The following MMP16 variants were observed in gnomAD, a reference collection of about 807,000 sequenced individuals.
MMP16 encodes the protein matrix metallopeptidase 16.
A neutral mutation model predicts 67.8 loss-of-function variants in MMP16; 12 were observed. The ratio of observed to expected loss-of-function variants is 0.18; its 90% confidence interval spans 0.11 to 0.29. The LOEUF (loss-of-function observed/expected upper bound fraction) is 0.29, where lower values mean the gene tolerates loss of function less well. MMP16 is among the 10% of genes least tolerant of loss of function. MMP16 has a pLI of 1.00. For missense variants in MMP16, 475 were observed against 765.7 expected, an observed-to-expected ratio of 0.62 and a Z score of 4.48; for synonymous variants, 249 against 255.9, an observed-to-expected ratio of 0.97 and a Z score of 0.26.
rs975410070 is a variant in MMP16 at position 88,126,348 on chromosome 8, C to A, written c.710-7487G>T. Among the ~76,000 whole-genome samples, 7 of 151,774 alleles carry A rather than the reference C, an allele frequency of 4.6e-5. No homozygotes were observed. In the South Asian group the frequency reaches 6.2e-4, roughly 13 times the overall value. On this transcript the variant is annotated intron_variant, in intron 4 of 9. Transcript: ENST00000286614. ...CTCTTAAAGTATCTGAGAAACTACA[C>A]AACTTCTTCCCCAAAACATGAATGC... is the stretch of plus-strand genomic sequence containing the variant.
At chr8:88,167,458 T>C (rs185333867) in intron 4 of MMP16, among the ~76,000 whole-genome samples, 77 of 152,294 alleles carry the variant, frequency 5.1e-4, no homozygotes, top group African/African-American at 1.8e-3. Flanking sequence ...AAGGTTCTAA[T>C]CTTTAATCAA....
chr8:88,263,085 C>T (rs1810416213), intron 1 of MMP16, among the ~76,000 whole-genome samples: 1 of 151,540 alleles, frequency 6.6e-6, no homozygotes, highest in African/African-American at 2.4e-5. Context: ...AAAGGAGTGT[C>T]GATACACCAC....
At chr8:88,131,650 T>C (rs1808031980) in intron 4 of MMP16, among the ~76,000 whole-genome samples, 1 of 151,850 alleles carries the variant, frequency 6.6e-6, no homozygotes, top group Non-Finnish European at 1.5e-5. Flanking sequence ...TAGTTTCTTA[T>C]TACAGTTGAA....
At chr8:88,291,801 G>C (rs1164230963) in intron 1 of MMP16, among the ~76,000 whole-genome samples, 4 of 152,062 alleles carry the variant, frequency 2.6e-5, no homozygotes, top group Non-Finnish European at 4.4e-5. Context: ...GAAGATGAAA[G>C]AAAAATGAAA....
rs55736439 is a variant in MMP16 at position 88,235,917 on chromosome 8, G to T, written c.133-38611C>A. On this transcript the variant is annotated intron_variant, in intron 1 of 9. Transcript: ENST00000286614. ...CGTCTCTTTTCCTAAAAAAAAAAAA[G>T]TTTCATATATATTATTTTCAAACCT... Among the ~76,000 whole-genome samples the T allele has an allele frequency of 1.6e-4, 24 of 150,486 alleles. 2 individuals are homozygous for T. The highest frequency in any genetic ancestry group is 3.5e-3 in the Middle Eastern group (1 of 288).
chr8:88,295,123 G>A (rs1180801280), intron 1 of MMP16, among the ~76,000 whole-genome samples: 1 of 152,140 alleles, frequency 6.6e-6, no homozygotes, highest in Non-Finnish European at 1.5e-5. Flanking sequence ...AAAATATTGT[G>A]CACACTTGGG....
intron 4 of MMP16, among the ~76,000 whole-genome samples, chr8:88,159,423 C>T (rs534364905): frequency 3.3e-5 from 5 of 152,212 alleles, no homozygotes; most frequent in East Asian, 1.9e-4. Context: ...CTCTTTGAAG[C>T]AATTGTGAAT....
At chr8:88,132,416 C>T (rs1850866670) in intron 4 of MMP16, among the ~76,000 whole-genome samples, 2 of 151,770 alleles carry the variant, frequency 1.3e-5, no homozygotes, top group African/African-American at 4.8e-5. Context: ...CTGGGTTGTT[C>T]AAGATCAGAT....
At chr8:88,084,120 A>G (rs1220152092) in intron 6 of MMP16, among the ~76,000 whole-genome samples, 1 of 151,996 alleles carries the variant, frequency 6.6e-6, no homozygotes, top group East Asian at 1.9e-4. Context: ...ATATATGCTA[A>G]TTTTAATAGC....
Position 88,238,475 on chromosome 8 carries a change from T to C in MMP16, c.133-41169A>G, listed in dbSNP as rs564055134. On this transcript the variant is annotated intron_variant, in intron 1 of 9. Coordinates refer to ENST00000286614, the MANE Select transcript of MMP16 (RefSeq NM_005941.5). Reference sequence around the variant, plus strand: ...GAGTTTGAGACCAACCCGGCCAACATGGTGAAACTCTCTCTCTACTAAAAA... The same window carrying C: ...GAGTTTGAGACCAACCCGGCCAACACGGTGAAACTCTCTCTCTACTAAAAA... Among the ~76,000 whole-genome samples the C allele has an allele frequency of 1.3e-3, 203 of 151,872 alleles. 1 individual carries two copies. The highest frequency in any genetic ancestry group is 4.7e-3 in the African/African-American group (194 of 41,434).
At chr8:88,287,322 A>G (rs1810847950) in intron 1 of MMP16, among the ~76,000 whole-genome samples, 1 of 152,104 alleles carries the variant, frequency 6.6e-6, no homozygotes. Context: ...TCTGCCTGGA[A>G]AGCTCCCAAC....
chr8:88,174,809 C>T (rs747745871), intron 3 of MMP16, among the ~76,000 whole-genome samples: 1 of 150,476 alleles, frequency 6.6e-6, no homozygotes, highest in African/African-American at 2.5e-5. Context: ...GGCTGGCGTG[C>T]AGTGGCACAA....
intron 7 of MMP16, among the ~76,000 whole-genome samples, chr8:88,066,590 G>C (rs550381535): frequency 3.0e-4 from 45 of 151,868 alleles, no homozygotes; most frequent in Non-Finnish European, 5.9e-4. Context: ...ACACCAAATG[G>C]CTGACTTTCA....
intron 1 of MMP16, among the ~76,000 whole-genome samples, chr8:88,264,499 C>G (rs1489869533): frequency 6.6e-6 from 1 of 152,174 alleles, no homozygotes; most frequent in Non-Finnish European, 1.5e-5. Context: ...CCATGCCCAG[C>G]TACAAGTCCA....
rs1295177291 is a variant in MMP16 at position 88,038,934 on chromosome 8, T to C, written c.*2527A>G. The C allele has an allele frequency of 2.6e-5, 4 of 152,588 alleles. No individual in the cohort carries two copies. In the South Asian group the frequency reaches 6.2e-4, roughly 24 times the overall value. 9.5% of individuals were successfully genotyped at this position (152,588 alleles called of 1,614,324 possible). A position where few individuals can be genotyped will look rare whatever the true frequency, so the allele number is the denominator to read the frequency against. ...TTACTCTTCTTTTTTCTTAGGCTCATACTATATACGCTCAGGTTGTAAGAA... is the reference window on the plus strand; with the variant it reads ...TTACTCTTCTTTTTTCTTAGGCTCACACTATATACGCTCAGGTTGTAAGAA... On this transcript the variant is annotated 3_prime_UTR_variant, in exon 10 of 10. Coordinates refer to ENST00000286614, the MANE Select transcript of MMP16 (RefSeq NM_005941.5). The surrounding 1 kb of genome is among the most constrained non-coding windows in gnomAD (Gnocchi z 4.1).
At chr8:88,247,420 T>TA (rs1810130792) in intron 1 of MMP16, among the ~76,000 whole-genome samples, 1 of 151,962 alleles carries the variant, frequency 6.6e-6, no homozygotes, top group South Asian at 2.1e-4. Context: ...GCCCAGAGGG[T>TA]ATAAAGTTGT....
At chr8:88,089,525 G>T (rs1388479461) in intron 6 of MMP16, among the ~76,000 whole-genome samples, 1 of 151,918 alleles carries the variant, frequency 6.6e-6, no homozygotes, top group Non-Finnish European at 1.5e-5. Flanking sequence ...AAAGGCAACA[G>T]CTTGATGGGG....
At chr8:88,278,314 C>G (rs1563581878) in intron 1 of MMP16, among the ~76,000 whole-genome samples, 1 of 152,108 alleles carries the variant, frequency 6.6e-6, no homozygotes, top group East Asian at 1.9e-4. Context: ...TTGAGAAATG[C>G]TGCTGTACAG....
At chr8:88,089,345 T>C (rs1009958331) in intron 6 of MMP16, among the ~76,000 whole-genome samples, 4 of 151,970 alleles carry the variant, frequency 2.6e-5, no homozygotes, top group African/African-American at 9.7e-5. Flanking sequence ...GGCTGAAGAT[T>C]ATGGTGAACA....
Sources: allele counts gnomAD v4.1 joint callset (sites outside exome capture counted in the v4.1 genomes callset), GRCh38; gene constraint gnomAD v4.1.1; non-coding constraint Gnocchi (gnomAD v3.1); transcripts MANE v1.5; gene names NCBI Gene and HGNC (gene_info 2026-07-23, HGNC 2026-07-21).